The following MEF2A variants were observed in gnomAD, a reference collection of about 807,000 sequenced individuals.
MEF2A encodes the protein myocyte-specific enhancer factor 2A.
Under a neutral mutation model 55.8 loss-of-function variants are expected in MEF2A, and 28 were observed. The observed-to-expected ratio is 0.50, with a 90% CI of 0.37 to 0.69. MEF2A has a LOEUF of 0.69. Ranked by LOEUF, MEF2A falls within the 30% of genes least tolerant of loss-of-function variation. The pLI, the probability that MEF2A is intolerant of heterozygous loss-of-function variation, is 0.00. For missense variants in MEF2A, 528 were observed against 626.2 expected (o/e 0.84, Z 1.67); for synonymous variants, 239 against 227.1 (o/e 1.05, Z -0.47).
chr15:99,669,394 G>A (rs2050417049), intron 4 of MEF2A, among the ~76,000 whole-genome samples: 1 of 152,204 alleles, frequency 6.6e-6, no homozygotes, highest in African/African-American at 2.4e-5. Flanking sequence ...CCAGTGTTCT[G>A]AGTGTCTACA....
chr15:99,622,702 C>CTTT (rs56054040), intron 2 of MEF2A, among the ~76,000 whole-genome samples: 7 of 135,696 alleles, frequency 5.2e-5, no homozygotes, highest in Admixed American at 1.5e-4. Context: ...GTTTTCTTTT[C>CTTT]TTTTTTTTTT....
Position 99,713,345 on chromosome 15 carries a change from AG to A in MEF2A, c.*575del, listed in dbSNP as rs34756453. ...ATATTAAAAACAAACAAAACAAAAA[AG>A]CCCCACACATAACTGTTTTGCACGT... On this transcript the variant is annotated 3_prime_UTR_variant, in exon 12 of 12. Coordinates refer to ENST00000557942, the MANE Select transcript of MEF2A (RefSeq NM_001319206.4). 0.051 allele frequency: 12,317 copies of A among 242,058 alleles called. 370 individuals are homozygous for A. Among genetic ancestry groups the A allele is most frequent in the East Asian group, 0.098 (1,316 of 13,362 alleles). 15.0% of individuals were successfully genotyped at this position (242,058 alleles called of 1,614,324 possible). A position where few individuals can be genotyped will look rare whatever the true frequency, so the allele number is the denominator to read the frequency against.
rs148666595 is a variant in MEF2A at position 99,675,585 on chromosome 15, A to G, written c.670+127A>G. The G allele has an allele frequency of 9.5e-6, 7 of 738,670 alleles. No individual in the cohort carries two copies. The South Asian group carries it at 1.1e-4, about 12-fold the overall frequency. The allele number at this position is 738,670 out of a possible 1,614,324, so 45.8% of individuals were successfully genotyped here. On this transcript the variant is annotated intron_variant, in intron 7 of 11. Coordinates refer to ENST00000557942, the MANE Select transcript of MEF2A (RefSeq NM_001319206.4). ...AGGGTACTTTCACTAATACATCAAG[A>G]TAATTTCTTAAGGGGAGACTTTCTC...
At chr15:99,655,803 ATAT>A (rs1208334495) in intron 4 of MEF2A, among the ~76,000 whole-genome samples, 2 of 152,130 alleles carry the variant, frequency 1.3e-5, no homozygotes, top group African/African-American at 4.8e-5. Flanking sequence ...TAAAACATAT[ATAT>A]TATTATAGAG....
chr15:99,601,252 C>T (rs1291242521), intron 2 of MEF2A, among the ~76,000 whole-genome samples: 1 of 152,100 alleles, frequency 6.6e-6, no homozygotes, highest in African/African-American at 2.4e-5. Flanking sequence ...TGTAATATTG[C>T]TAAATTAATT....
chr15:99,691,058 ATTCAC>A (rs1319295755), intron 8 of MEF2A, among the ~76,000 whole-genome samples: 1 of 150,530 alleles, frequency 6.6e-6, no homozygotes, highest in African/African-American at 2.4e-5. Flanking sequence ...TGTAACAAAT[ATTCAC>A]ATGTACCCCA....
rs1215336802 is a variant in MEF2A at position 99,703,505 on chromosome 15, A to G, written c.882+120A>G. 82 of 899,222 alleles carry G rather than the reference A, an allele frequency of 9.1e-5. 1 individual carries two copies. Among genetic ancestry groups the G allele is most frequent in the Non-Finnish European group, 1.3e-4 (80 of 609,286 alleles). 55.7% of individuals were successfully genotyped at this position (899,222 alleles called of 1,614,324 possible). ...CACAAATTTTTTTAAACACTATTCA[A>G]ACACTTTGAATAAAGCAATCTACTG... On this transcript the variant is annotated intron_variant, in intron 9 of 11. Coordinates refer to ENST00000557942, the MANE Select transcript of MEF2A (RefSeq NM_001319206.4).
intron 7 of MEF2A, among the ~76,000 whole-genome samples, chr15:99,684,630 G>A (rs1192414183): frequency 2.0e-5 from 3 of 152,102 alleles, no homozygotes; most frequent in African/African-American, 7.2e-5. Context: ...CATAGTTTGC[G>A]AAGATTTTCT....
intron 1 of MEF2A, among the ~76,000 whole-genome samples, chr15:99,573,737 A>G (rs1268737460): frequency 6.6e-6 from 1 of 152,256 alleles, no homozygotes; most frequent in Non-Finnish European, 1.5e-5. Context: ...TAATGAAAAT[A>G]CATCAAAGAA....
intron 4 of MEF2A, among the ~76,000 whole-genome samples, chr15:99,668,093 A>G (rs2050144574): frequency 1.3e-5 from 2 of 152,192 alleles, no homozygotes; most frequent in South Asian, 4.1e-4. Context: ...AATGGAATTT[A>G]ACTTTGTTGT....
intron 8 of MEF2A, among the ~76,000 whole-genome samples, chr15:99,696,600 G>T (rs2056516920): frequency 6.6e-6 from 1 of 151,898 alleles, no homozygotes; most frequent in South Asian, 2.1e-4. Context: ...CTAGAGTAGT[G>T]ATGAGGTGAG....
intron 2 of MEF2A, among the ~76,000 whole-genome samples, chr15:99,624,272 T>G (rs1225076132): frequency 1.3e-5 from 2 of 152,226 alleles, no homozygotes. Flanking sequence ...ATCCAACATC[T>G]TGAAGCTTTT....
At chr15:99,641,856 A>T (rs1029650477) in intron 3 of MEF2A, among the ~76,000 whole-genome samples, 2 of 152,052 alleles carry the variant, frequency 1.3e-5, no homozygotes, top group Non-Finnish European at 2.9e-5. Context: ...TCCTTTACAG[A>T]TTTATTCAAC....
chr15:99,685,072 C>T (rs1283347647), intron 7 of MEF2A, among the ~76,000 whole-genome samples: 1 of 152,114 alleles, frequency 6.6e-6, no homozygotes, highest in Non-Finnish European at 1.5e-5. Context: ...TATGCCAGTA[C>T]CTTGCTTTTC....
chr15:99,600,728 G>T (rs998696129), intron 2 of MEF2A, among the ~76,000 whole-genome samples: 6 of 150,794 alleles, frequency 4.0e-5, no homozygotes, highest in African/African-American at 1.2e-4. Context: ...GTGTGGGTCT[G>T]TTTCAGGACT....
chr15:99,672,215 C>G (rs1278022297), intron 5 of MEF2A, among the ~76,000 whole-genome samples: 2 of 152,220 alleles, frequency 1.3e-5, no homozygotes, highest in Non-Finnish European at 2.9e-5. Flanking sequence ...CCCCAAATCA[C>G]TTAGCAACAA....
chr15:99,689,104 A>G (rs926252424), intron 7 of MEF2A, among the ~76,000 whole-genome samples: 2 of 152,270 alleles, frequency 1.3e-5, no homozygotes, highest in Non-Finnish European at 2.9e-5. Context: ...CATAGAGCAT[A>G]TATCACAATG....
At chr15:99,610,415 C>T (rs1976771080) in intron 2 of MEF2A, among the ~76,000 whole-genome samples, 2 of 49,434 alleles carry the variant, frequency 4.0e-5, no homozygotes, top group Non-Finnish European at 6.8e-5. Flanking sequence ...TCCCCCGCCC[C>T]CCCCCCCCCC....
Position 99,714,036 on chromosome 15 carries a change from A to G in MEF2A, c.*1265A>G, listed in dbSNP as rs2058919285. 6.6e-6 allele frequency: 1 copy of G among 152,180 alleles called. No homozygotes were observed. Among genetic ancestry groups the G allele is most frequent in the African/African-American group, 2.4e-5 (1 of 41,444 alleles). 9.4% of individuals were successfully genotyped at this position (152,180 alleles called of 1,614,324 possible). ...ATATACTGTACTTTGGATTTTAATT[A>G]TTAGCCCAGTTTTTTCAGAGGATTG... On this transcript the variant is annotated 3_prime_UTR_variant, in exon 12 of 12. Transcript: ENST00000557942.
Sources: gnomAD v4.1 joint callset for allele counts (sites outside exome capture counted in the v4.1 genomes callset) on GRCh38, gnomAD v4.1.1 for gene constraint, MANE v1.5 for transcripts, NCBI Gene and HGNC (gene_info 2026-07-23, HGNC 2026-07-21) for gene names.